Variants in PTCHD4 observed in about 807,000 individuals in gnomAD.
The protein encoded by PTCHD4 is patched domain containing 4, also known as patched domain-containing protein 4.
Under a neutral mutation model 58.1 loss-of-function variants are expected in PTCHD4, and 33 were observed. The ratio of observed to expected loss-of-function variants is 0.57; its 90% CI spans 0.43 to 0.76. PTCHD4 has a LOEUF of 0.76. Ranked by LOEUF, PTCHD4 falls within the 30% of genes least tolerant of loss-of-function variation. The pLI is 0.00. For synonymous variants in PTCHD4, 478 were observed against 409.6 expected (o/e 1.17, Z -2.02); for missense variants, 1,058 against 1,027.1 (o/e 1.03, Z -0.41).
chr6:47,908,629 A>C (rs1242670470), intron 4 of PTCHD4, among the ~76,000 whole-genome samples: 1 of 152,188 alleles, frequency 6.6e-6, no homozygotes, highest in African/African-American at 2.4e-5. Flanking sequence ...TCTGGGCTGG[A>C]AGTCACCACC....
chr6:47,990,488 A>T (rs1435465836), intron 4 of PTCHD4, among the ~76,000 whole-genome samples: 2 of 152,122 alleles, frequency 1.3e-5, no homozygotes, highest in Non-Finnish European at 2.9e-5. Flanking sequence ...TCATGGGGGC[A>T]GTTTCCTCCT....
At chr6:48,061,118 C>T (rs1203856215) in intron 3 of PTCHD4, among the ~76,000 whole-genome samples, 1 of 152,200 alleles carries the variant, frequency 6.6e-6, no homozygotes, top group African/African-American at 2.4e-5. Context: ...CTTGCGTTCT[C>T]ATATAATATT....
At chr6:48,050,619 CATGCACATT>C (rs2114169167) in intron 3 of PTCHD4, among the ~76,000 whole-genome samples, 1 of 152,134 alleles carries the variant, frequency 6.6e-6, no homozygotes, top group South Asian at 2.1e-4. Flanking sequence ...CAAATAAATT[CATGCACATT>C]ATTTGGAGCA....
At chr6:47,920,488 A>G (rs1017083881) in intron 4 of PTCHD4, among the ~76,000 whole-genome samples, 2 of 152,140 alleles carry the variant, frequency 1.3e-5, no homozygotes, top group African/African-American at 4.8e-5. Flanking sequence ...TCAAATGAAA[A>G]TGTTGCATGC....
intron 4 of PTCHD4, among the ~76,000 whole-genome samples, chr6:47,913,817 G>C (rs909288325): frequency 2.6e-5 from 4 of 152,106 alleles, no homozygotes; most frequent in Non-Finnish European, 5.9e-5. Context: ...TTAAAATGTA[G>C]ATTCTAATGC....
chr6:47,931,902 G>T (rs1221724727), intron 4 of PTCHD4, among the ~76,000 whole-genome samples: 4 of 152,094 alleles, frequency 2.6e-5, no homozygotes, highest in South Asian at 2.1e-4. Context: ...CATTTTAGTG[G>T]TGAGAAAATT....
rs116010575 is a variant in PTCHD4, at chr6:48,049,341, G to A, written c.417+18889C>T. Among the ~76,000 whole-genome samples, 668 of 151,938 alleles carry A rather than the reference G, an allele frequency of 4.4e-3. 14 individuals are homozygous for A. The highest frequency in any genetic ancestry group is 0.016 in the African/African-American group (647 of 41,494). The stretch of plus-strand genomic sequence containing the variant: ...GACCTAGAGAACTTACACATGTTTC[G>A]AGTTCTCTGAAATATTGAAATACTT... On this transcript the variant is annotated intron_variant, in intron 3 of 4. Coordinates refer to ENST00000339488, the MANE Select transcript of PTCHD4 (RefSeq NM_001384253.1).
intron 4 of PTCHD4, among the ~76,000 whole-genome samples, chr6:47,952,160 G>A (rs1766678562): frequency 6.6e-6 from 1 of 152,108 alleles, no homozygotes; most frequent in African/African-American, 2.4e-5. Context: ...GGTGGTAGTG[G>A]TAAGGTAATT....
intron 1 of PTCHD4, among the ~76,000 whole-genome samples, chr6:48,095,436 C>T (rs1309639634): frequency 6.6e-6 from 1 of 152,166 alleles, no homozygotes; most frequent in African/African-American, 2.4e-5. Flanking sequence ...GTAATCCCAG[C>T]ACTTTGGGAA....
rs577322102 is a variant in PTCHD4, at chr6:47,877,465, C to G, written c.*838G>C. Among the ~76,000 whole-genome samples, 46 of 152,188 alleles carry G rather than the reference C, an allele frequency of 3.0e-4. No individual in the cohort carries two copies. Among genetic ancestry groups the G allele is most frequent in the Admixed American group, 1.9e-3 (29 of 15,286 alleles). On this transcript the variant is annotated 3_prime_UTR_variant, in exon 5 of 5. Transcript: ENST00000339488. ...TCTAATATGAAACAGTAAACCTTGTCCATGTGGTAATTAATTCAAATGCCT... is the reference window on the plus strand; with the variant it reads ...TCTAATATGAAACAGTAAACCTTGTGCATGTGGTAATTAATTCAAATGCCT...
chr6:48,048,921 C>T (rs914699733), intron 3 of PTCHD4, among the ~76,000 whole-genome samples: 10 of 151,948 alleles, frequency 6.6e-5, no homozygotes, highest in African/African-American at 2.4e-4. Context: ...GTCTGGCTTC[C>T]TGCCAAGTGG....
chr6:48,020,638 C>A (rs527346789), intron 3 of PTCHD4, among the ~76,000 whole-genome samples: 2 of 152,068 alleles, frequency 1.3e-5, no homozygotes, highest in African/African-American at 4.8e-5. Flanking sequence ...AAAGTCTTTT[C>A]TTTGAAGAGT....
At chr6:47,926,730 C>T (rs1190152198) in intron 4 of PTCHD4, among the ~76,000 whole-genome samples, 1 of 152,172 alleles carries the variant, frequency 6.6e-6, no homozygotes, top group Non-Finnish European at 1.5e-5. Context: ...GTTTCAGCTA[C>T]ATTACTAATA....
chr6:47,987,672 T>G (rs567541982), intron 4 of PTCHD4, among the ~76,000 whole-genome samples: 1 of 152,242 alleles, frequency 6.6e-6, no homozygotes, highest in East Asian at 1.9e-4. Flanking sequence ...AGATGAGAAG[T>G]CTTATTGAGA....
intron 4 of PTCHD4, among the ~76,000 whole-genome samples, chr6:47,991,745 G>A (rs1326641418): frequency 6.6e-6 from 1 of 151,920 alleles, no homozygotes; most frequent in Non-Finnish European, 1.5e-5. Context: ...GAAAAGGAAG[G>A]TTTTGATTAA....
chr6:48,087,366 C>T (rs1030722188), intron 1 of PTCHD4, among the ~76,000 whole-genome samples: 5 of 152,120 alleles, frequency 3.3e-5, no homozygotes, highest in African/African-American at 1.2e-4. Context: ...TAACTAATAT[C>T]TTTATGCTTT....
chr6:47,860,529 C>G lies in PTCHD4; in HGVS notation c.*17774G>C, dbSNP rs1472187261. 6.6e-6 allele frequency among the ~76,000 whole-genome samples: 1 copy of G among 151,984 alleles called. No homozygotes were observed. Among genetic ancestry groups the G allele is most frequent in the Non-Finnish European group, 1.5e-5 (1 of 67,924 alleles). On this transcript the variant is annotated 3_prime_UTR_variant, in exon 5 of 5. Coordinates refer to ENST00000339488, the MANE Select transcript of PTCHD4 (RefSeq NM_001384253.1). ...CTATACATCTGTAGATCTCTTCTTC[C>G]TGTCCTACAGAAAATGTAATCCCTC...
chr6:48,034,778 A>T (rs1277388140), intron 3 of PTCHD4, among the ~76,000 whole-genome samples: 3 of 152,098 alleles, frequency 2.0e-5, no homozygotes, highest in African/African-American at 7.2e-5. Context: ...GCCAATGAAA[A>T]TTTTGCTTTT....
rs780263827 is a variant in PTCHD4, at chr6:47,879,662, G to T, written c.1173C>A (p.Gly391=). 1.2e-6 allele frequency: 2 copies of T among 1,613,556 alleles called. No individual in the cohort carries two copies. Among genetic ancestry groups the T allele is most frequent in the South Asian group, 2.2e-5 (2 of 91,060 alleles). ...SFFGSCLVFA[G]QLEQNRYHSI... ...TGTGGTAGCGGTTTTGCTCTAGTTGGCCAGCAAAGACCAGACAGGAGCCAA... is the reference window on the plus strand; with the variant it reads ...TGTGGTAGCGGTTTTGCTCTAGTTGTCCAGCAAAGACCAGACAGGAGCCAA... Residue 391 remains glycine (G), a synonymous_variant, in exon 5 of 5, where the codon GGC becomes GGA. Coordinates refer to ENST00000339488, the MANE Select transcript of PTCHD4 (RefSeq NM_001384253.1).
Sources: gnomAD v4.1 joint callset for allele counts (sites outside exome capture counted in the v4.1 genomes callset) on GRCh38, gnomAD v4.1.1 for gene constraint, MANE v1.5 for transcripts, NCBI Gene and HGNC (gene_info 2026-07-23, HGNC 2026-07-21) for gene names.